BRD8: variants seen among roughly 807,000 people sequenced by gnomAD.
BRD8 encodes the protein bromodomain containing 8.
BRD8 carries 67 observed loss-of-function variants against 143.1 expected under a neutral mutation model. The ratio of observed to expected loss-of-function variants is 0.47; its 90% confidence interval spans 0.38 to 0.57. BRD8 has a LOEUF of 0.57. BRD8 is among the 20% of genes least tolerant of loss of function. The probability of loss-of-function intolerance (pLI) is 0.00; values close to 1 mark genes in which losing one functional copy is unlikely to be tolerated. For synonymous variants in BRD8, 505 were observed against 517.1 expected, an observed-to-expected ratio of 0.98 and a Z score of 0.32; for missense variants, 1,103 against 1,503.0, an observed-to-expected ratio of 0.73 and a Z score of 4.40.
At chr5:138,141,365 G>C (rs1751902795) in intron 25 of BRD8, among the ~76,000 whole-genome samples, 1 of 152,168 alleles carries the variant, frequency 6.6e-6, no homozygotes, top group Non-Finnish European at 1.5e-5. Context: ...CCTAGCCTCA[G>C]GGGATCCACC....
In BRD8 at chr5:138,166,724, G is replaced by A. The variant is rs745343717; in HGVS notation, c.791C>T (p.Ala264Val). Residue 264 changes from alanine to valine, a missense_variant, in exon 10 of 27, where the codon GCT becomes GTT. Around this residue, in one of 7 missense-constraint regions of BRD8, gnomAD observed 334 missense variants for 372.5 expected, o/e 0.90. Coordinates refer to ENST00000254900, the MANE Select transcript of BRD8 (RefSeq NM_139199.2). Reference protein sequence around the residue: ...TVAASPAASGAPTLSRLLEAG... With the variant: ...TVAASPAASGVPTLSRLLEAG... ...TTCTAAAAGCCGGGAAAGAGTGGGA[G>A]CACCTAACATATAAAGAGGTACACA... 7.7e-5 allele frequency: 122 copies of A among 1,592,284 alleles called. No individual in the cohort carries two copies. The highest frequency in any genetic ancestry group is 2.7e-4 in the Admixed American group (16 of 59,704).
In BRD8 at chr5:138,141,948, T is replaced by TCTCTGCTGTTTGAATGATGGTATCATTGC. The variant is rs1186094377; in HGVS notation, c.3438-1067_3438-1066insGCAATGATACCATCATTCAAACAGCAGAG. ...GTTTCCTCATTCCTAAAGAAGTTTG[T>TCTCTGCTGTTTGAATGATGGTATCATTGC]CTCTGCTGTTTGAATGATGGTATCA... On this transcript the variant is annotated intron_variant, in intron 25 of 26. Transcript: ENST00000254900. Among the ~76,000 whole-genome samples the TCTCTGCTGTTTGAATGATGGTATCATTGC allele has an allele frequency of 2.8e-3, 423 of 152,294 alleles. 4 individuals are homozygous for TCTCTGCTGTTTGAATGATGGTATCATTGC. The highest frequency in any genetic ancestry group is 9.9e-3 in the African/African-American group (411 of 41,558).
In BRD8 at chr5:138,145,825, G is replaced by A; in HGVS notation, c.3332C>T (p.Thr1111Ile). Residue 1111 changes from threonine to isoleucine, a missense_variant, in exon 24 of 27, where the codon ACT (threonine) becomes ATT (isoleucine). Physicochemically the swap from Thr to Ile is moderately conservative, Grantham distance 89. Transcript: ENST00000254900. ...AATCATCTTCCAGACTGGCAGGAGA[G>A]TCTTCTTAAATAGCAAATGATCCTG... ...PVQDHLLFKK[T>I]LLPVWKMIAS... is the part of the protein sequence containing the mutation. 2 of 1,614,044 alleles carry A rather than the reference G, an allele frequency of 1.2e-6. No individual in the cohort carries two copies. The highest frequency in any genetic ancestry group is 1.7e-6 in the Non-Finnish European group (2 of 1,179,960).
In BRD8 at chr5:138,161,840, A is replaced by G; in HGVS notation, c.2205T>C (p.Pro735=). 1 of 1,614,164 alleles carries G rather than the reference A, an allele frequency of 6.2e-7. No homozygotes were observed. The highest frequency in any genetic ancestry group is 8.5e-7 in the Non-Finnish European group (1 of 1,180,016). The change falls in exon 17 of 27, where the codon CCT becomes CCC. Residue 735 remains proline (P), a synonymous_variant. Coordinates refer to ENST00000254900, the MANE Select transcript of BRD8 (RefSeq NM_139199.2). ...NHRYANVFLQ[P]VTDDIAPGYH... is the part of the protein sequence containing the mutation. Reference sequence around the variant, plus strand: ...AGCCAGGTGCTATGTCATCTGTAACAGGCTGCAGGAAGACATTGGCATACC... The same window carrying G: ...AGCCAGGTGCTATGTCATCTGTAACGGGCTGCAGGAAGACATTGGCATACC...
chr5:138,169,145 G>A, intron 8 of BRD8, 77 bp downstream of exon 8: 1 of 1,511,978 alleles, frequency 6.6e-7, no homozygotes, highest in South Asian at 1.3e-5. Flanking sequence ...TAGGCCAAAA[G>A]TGGTTTCCTC....
rs781639201 is a variant in BRD8, at chr5:138,171,172, T to C, written c.237-12A>G. On this transcript the variant is annotated splice_polypyrimidine_tract_variant and intron_variant, in intron 4 of 26. Transcript: ENST00000254900. ...CACCTCGTTTCCGTCTGTGGAAAAT[T>C]GAAAAAAAAAAATTCATATTCAAAT... The C allele has an allele frequency of 3.8e-6, 6 of 1,591,446 alleles. No individual in the cohort carries two copies. The highest frequency in any genetic ancestry group is 5.1e-6 in the Non-Finnish European group (6 of 1,172,180).
chr5:138,164,369 G>T lies in BRD8; in HGVS notation c.1776C>A (p.Pro592=). ...SMLSPSHGSN[P]IEDPLEAETQ... ...TCTCTGCCTCTAAAGGATCTTCAAT[G>T]GGATTTGAGCCATGTGATGGAGACA... is the stretch of plus-strand genomic sequence containing the variant. Residue 592 remains proline (P), a synonymous_variant, in exon 13 of 27, where the codon CCC becomes CCA. Transcript: ENST00000254900. 6.2e-7 allele frequency: 1 copy of T among 1,614,106 alleles called. No individual in the cohort carries two copies. The highest frequency in any genetic ancestry group is 1.1e-5 in the South Asian group (1 of 91,068).
chr5:138,173,306 G>A (rs1330869294), intron 2 of BRD8, among the ~76,000 whole-genome samples: 1 of 151,662 alleles, frequency 6.6e-6, no homozygotes, highest in Non-Finnish European at 1.5e-5. Context: ...GCTGAGCCAG[G>A]ACAATCACTT....
chr5:138,174,526 G>A (rs192565164), intron 2 of BRD8, among the ~76,000 whole-genome samples: 87 of 151,590 alleles, frequency 5.7e-4, no homozygotes, highest in African/African-American at 2.0e-3. Context: ...AACCTGGGAA[G>A]CAGAGGTTCC....
rs1287606583 is a variant in BRD8, at chr5:138,140,073, G to A, written c.*1C>T. 6.2e-7 allele frequency: 1 copy of A among 1,610,906 alleles called. No individual in the cohort carries two copies. The highest frequency in any genetic ancestry group is 1.3e-5 in the African/African-American group (1 of 74,858). Reference sequence around the variant, plus strand: ...GAAAAAGTCAGGATAGCAGCTCCAGGTTAGAAAACAGGTTTTCCATCATCC... The same window carrying A: ...GAAAAAGTCAGGATAGCAGCTCCAGATTAGAAAACAGGTTTTCCATCATCC... On this transcript the variant is annotated 3_prime_UTR_variant, in exon 27 of 27. Transcript: ENST00000254900.
intron 8 of BRD8, chr5:138,168,708 C>G: frequency 8.3e-7 from 1 of 1,210,052 alleles, no homozygotes; most frequent in East Asian, 2.3e-5. Context: ...AACAGAGAAC[C>G]TTTATCTGAC....
rs1752419563 is a variant in BRD8, at chr5:138,152,661, T to C, written c.2677A>G (p.Ser893Gly). ...CAGTTGCCCACATCAAGATCCAGAC[T>C]GGAGTCCCATGAGCTGAAGAGGGAC... ...CRSLFSSWDSSLDLDVGNWRE... is the reference protein window; with the variant it reads ...CRSLFSSWDSGLDLDVGNWRE... Residue 893 changes from serine (S) to glycine (G), a missense_variant, in exon 21 of 27, where the codon AGT (serine) becomes GGT (glycine). Coordinates refer to ENST00000254900, the MANE Select transcript of BRD8 (RefSeq NM_139199.2). The C allele has an allele frequency of 1.2e-6, 2 of 1,614,212 alleles. No individual in the cohort carries two copies. The highest frequency in any genetic ancestry group is 1.7e-6 in the Non-Finnish European group (2 of 1,180,042).
In BRD8 at chr5:138,177,677, G is replaced by T. The variant is rs375415730; in HGVS notation, c.20-10C>A. On this transcript the variant is annotated splice_polypyrimidine_tract_variant and intron_variant, in intron 1 of 26. Coordinates refer to ENST00000254900, the MANE Select transcript of BRD8 (RefSeq NM_139199.2). Reference sequence around the variant, plus strand: ...CTTAGCAGCTTGTGTTCTGGGAAAGGGAGAAAAAAAAAAAAGCCTTGGAAA... The same window carrying T: ...CTTAGCAGCTTGTGTTCTGGGAAAGTGAGAAAAAAAAAAAAGCCTTGGAAA... 7 of 1,303,768 alleles carry T rather than the reference G, an allele frequency of 5.4e-6. No homozygotes were observed. In the African/African-American group the frequency reaches 1.1e-4, roughly 21 times the overall value. The allele number at this position is 1,303,768 out of a possible 1,614,324, so 80.8% of individuals were successfully genotyped here.
Position 138,165,912 on chromosome 5 carries a change from C to T in BRD8, c.1194G>A (p.Glu398=), listed in dbSNP as rs761456897. ...TGTAAGACACAGCAATATCCATCTT[C>T]TCAGCCAGATCTAATTCTTCCTTCC... ...IDGKEELDLA[E]KMDIAVSYTG... Residue 398 remains glutamate (E), a synonymous_variant, in exon 11 of 27, where the codon GAG becomes GAA. Transcript: ENST00000254900. The T allele has an allele frequency of 6.2e-7, 1 of 1,614,080 alleles. No homozygotes were observed. Among genetic ancestry groups the T allele is most frequent in the East Asian group, 2.2e-5 (1 of 44,892 alleles).
At chr5:138,157,495 G>C (rs1752684585) in intron 20 of BRD8, 3 of 565,226 alleles carry the variant, frequency 5.3e-6, no homozygotes, top group Non-Finnish European at 9.4e-6. Flanking sequence ...GCCCACTACA[G>C]AGGTCCTTGG....
rs1468200925 is a variant in BRD8, at chr5:138,161,035, T to C, written c.2283A>G (p.Ile761Met). ...PMDLSTIKKN[I>M]ENGLIRSTAE... ...CTGTGCTTCGGATCAGTCCATTTTC[T>C]ATGTTTTTCTTAATAGTTGACAAAT... Residue 761 changes from isoleucine (I) to methionine (M), a missense_variant, in exon 18 of 27, where the codon ATA becomes ATG. Physicochemically the swap from Ile to Met is conservative, Grantham distance 10. Around this residue, in one of 7 missense-constraint regions of BRD8, gnomAD observed 64 missense variants for 211.3 expected, o/e 0.30. Transcript: ENST00000254900. 1 of 1,612,710 alleles carries C rather than the reference T, an allele frequency of 6.2e-7. No homozygotes were observed.
chr5:138,169,465 T>A, intron 7 of BRD8, 107 bp from the exon 8 acceptor site: 1 of 1,254,910 alleles, frequency 8.0e-7, no homozygotes, highest in Non-Finnish European at 1.1e-6. Context: ...GTTGCATTAC[T>A]AAAGCAGCAT....
At chr5:138,174,573 G>A (rs1386239622) in intron 2 of BRD8, among the ~76,000 whole-genome samples, 4 of 148,606 alleles carry the variant, frequency 2.7e-5, no homozygotes, top group Non-Finnish European at 4.4e-5. Flanking sequence ...TCCAGCCTGC[G>A]CAACAGAGAC....
At chr5:138,166,414 G>A (rs1403189307) in intron 10 of BRD8, 104 bp downstream of exon 10, 16 of 695,624 alleles carry the variant, frequency 2.3e-5, no homozygotes, top group Non-Finnish European at 3.4e-5. Context: ...TGTCTATGTA[G>A]AACAGAGAAG....
Sources: allele counts gnomAD v4.1 joint callset (sites outside exome capture counted in the v4.1 genomes callset), GRCh38; gene constraint gnomAD v4.1.1; regional missense constraint gnomAD v4.1.1; transcripts MANE v1.5; gene names NCBI Gene and HGNC (gene_info 2026-07-23, HGNC 2026-07-21).